The following DAB1 variants were observed in gnomAD, a reference collection of about 807,000 sequenced individuals.
DAB1 encodes the protein DAB adaptor protein 1, also known as disabled homolog 1.
DAB1 carries 15 observed loss-of-function variants against 64.6 expected under a neutral mutation model. The observed-to-expected ratio is 0.23, with a 90% CI of 0.16 to 0.36. The LOEUF (loss-of-function observed/expected upper bound fraction) is 0.36, where lower values mean the gene tolerates loss of function less well. Ranked by LOEUF, DAB1 falls within the 10% of genes least tolerant of loss-of-function variation. DAB1 has a pLI of 1.00. For missense variants in DAB1, 596 were observed against 706.7 expected, an observed-to-expected ratio of 0.84 and a Z score of 1.78; for synonymous variants, 235 against 251.9, an observed-to-expected ratio of 0.93 and a Z score of 0.64.
intron 9 of DAB1, among the ~76,000 whole-genome samples, chr1:57,040,446 T>A (rs1202626424): frequency 6.6e-6 from 1 of 152,142 alleles, no homozygotes; most frequent in African/African-American, 2.4e-5. Flanking sequence ...AATATATAAT[T>A]TACACACTCG....
At chr1:57,215,556 G>A (rs1427051126) in intron 2 of DAB1, among the ~76,000 whole-genome samples, 2 of 152,180 alleles carry the variant, frequency 1.3e-5, no homozygotes, top group Non-Finnish European at 2.9e-5. Context: ...CGTGAATTTT[G>A]TGTTCAAGCG....
chr1:58,184,657 A>G (rs1381770378), intron 4 of DAB1, among the ~76,000 whole-genome samples: 1 of 152,184 alleles, frequency 6.6e-6, no homozygotes, highest in African/African-American at 2.4e-5. Flanking sequence ...TGGAACATGA[A>G]TTCTAAGAAA....
At chr1:58,381,561 C>T (rs765933118) in intron 3 of DAB1, among the ~76,000 whole-genome samples, 1 of 152,154 alleles carries the variant, frequency 6.6e-6, no homozygotes, top group Non-Finnish European at 1.5e-5. Context: ...ACTACTGGAG[C>T]CTCAAGTACA....
chr1:57,934,325 T>G (rs1441942495), intron 5 of DAB1, among the ~76,000 whole-genome samples: 1 of 152,144 alleles, frequency 6.6e-6, no homozygotes, highest in Non-Finnish European at 1.5e-5. Flanking sequence ...GAAAATAATT[T>G]AAGTGGAACA....
At position 57,999,416 on chromosome 1, in the gene DAB1, T is replaced by C. The variant is rs1266778014; in HGVS notation, n.388-115254A>G. Among the ~76,000 whole-genome samples the C allele has an allele frequency of 2.6e-5, 4 of 152,292 alleles. No individual in the cohort carries two copies. The East Asian group carries it at 7.7e-4, about 29-fold the overall frequency. ...ATCTCCAGGGGTAGGATCAGCACTT[T>C]GTGTTTTAACAAGCACTACAGGAGA... On this transcript the variant is annotated intron_variant and non_coding_transcript_variant, in intron 5 of 20. Coordinates refer to the DAB1 transcript ENST00000485760.
intron 9 of DAB1, among the ~76,000 whole-genome samples, chr1:57,047,087 TTG>T (rs1292550052): frequency 1.3e-5 from 2 of 152,186 alleles, no homozygotes; most frequent in Non-Finnish European, 2.9e-5. Context: ...GGTCACCTGG[TTG>T]TAGGGTCAAA....
intron 3 of DAB1, 77 bp downstream of exon 3, chr1:57,145,213 C>T (rs1658993462): frequency 7.1e-7 from 1 of 1,411,990 alleles, no homozygotes; most frequent in Non-Finnish European, 9.9e-7. Flanking sequence ...AAGTTATTTA[C>T]AATTATGATG....
intron 7 of DAB1, among the ~76,000 whole-genome samples, chr1:57,458,494 G>T (rs1449987460): frequency 6.6e-6 from 1 of 151,352 alleles, no homozygotes; most frequent in Non-Finnish European, 1.5e-5. Context: ...AAAAAAAATC[G>T]TGAATGAGTA....
intron 3 of DAB1, among the ~76,000 whole-genome samples, chr1:58,482,689 G>A (rs1238406725): frequency 6.6e-6 from 1 of 152,144 alleles, no homozygotes; most frequent in Non-Finnish European, 1.5e-5. Flanking sequence ...TGGGGGTCAA[G>A]AGGGGGACAG....
intron 5 of DAB1, among the ~76,000 whole-genome samples, chr1:57,975,979 G>C: frequency 6.6e-6 from 1 of 152,216 alleles, no homozygotes; most frequent in Non-Finnish European, 1.5e-5. Context: ...CAACATCGGA[G>C]ACTTCTTTGC....
At chr1:57,305,838 G>A (rs781324083) in intron 1 of DAB1, among the ~76,000 whole-genome samples, 18 of 151,630 alleles carry the variant, frequency 1.2e-4, no homozygotes, top group East Asian at 7.8e-4. Flanking sequence ...GCGCGGTTAC[G>A]GGTGCCTGTA....
chr1:57,072,710 C>T (rs1651609536), intron 4 of DAB1, among the ~76,000 whole-genome samples: 1 of 152,200 alleles, frequency 6.6e-6, no homozygotes, highest in African/African-American at 2.4e-5. Flanking sequence ...AATGGGTAGG[C>T]TTCTGTTTGA....
At chr1:57,282,472 T>C (rs987025230) in intron 2 of DAB1, among the ~76,000 whole-genome samples, 1 of 152,116 alleles carries the variant, frequency 6.6e-6, no homozygotes, top group African/African-American at 2.4e-5. Context: ...AAAAGAGCTA[T>C]GTAGGTGAGT....
intron 6 of DAB1, among the ~76,000 whole-genome samples, chr1:57,816,802 A>G (rs1651874987): frequency 1.3e-5 from 2 of 152,186 alleles, no homozygotes; most frequent in South Asian, 4.1e-4. Context: ...AAAATTTGCA[A>G]TGTTGACACA....
chr1:58,451,352 C>G (rs1374531165), intron 3 of DAB1, among the ~76,000 whole-genome samples: 1 of 152,222 alleles, frequency 6.6e-6, no homozygotes, highest in Non-Finnish European at 1.5e-5. Context: ...CTTAGTCTCC[C>G]AAAGTGCTGG....
At chr1:57,655,814 ATATT>A (rs1347066482) in intron 6 of DAB1, among the ~76,000 whole-genome samples, 1 of 152,248 alleles carries the variant, frequency 6.6e-6, no homozygotes, top group Non-Finnish European at 1.5e-5. Context: ...TAAAATGCTC[ATATT>A]TGGGATCTAG....
At chr1:57,837,789 A>ACCCC (rs1557508864) in intron 1 of DAB1, among the ~76,000 whole-genome samples, 5 of 140,310 alleles carry the variant, frequency 3.6e-5, no homozygotes, top group East Asian at 2.1e-4. Context: ...CACCACCTTC[A>ACCCC]CCACCCCCAC....
At position 57,478,313 on chromosome 1, in the gene DAB1, G is replaced by A. The variant is rs568402854; in HGVS notation, n.625+171279C>T. On this transcript the variant is annotated intron_variant and non_coding_transcript_variant, in intron 7 of 20. Coordinates refer to the DAB1 transcript ENST00000485760. ...ATCTGAACTCTAACCTATGGGAAAT[G>A]ATCTTCCACAAATAGGAATGTAATG... Among the ~76,000 whole-genome samples the A allele has an allele frequency of 8.3e-4, 126 of 152,234 alleles. 2 individuals carry two copies. In the South Asian group the frequency reaches 0.015, roughly 18 times the overall value.
intron 6 of DAB1, among the ~76,000 whole-genome samples, chr1:57,764,463 T>C (rs1409984855): frequency 6.6e-6 from 1 of 152,146 alleles, no homozygotes; most frequent in Non-Finnish European, 1.5e-5. Context: ...CTCCAGCTAT[T>C]TGAAACTATA....
Sources: allele counts gnomAD v4.1 joint callset (sites outside exome capture counted in the v4.1 genomes callset), GRCh38; gene constraint gnomAD v4.1.1; transcripts MANE v1.5; gene names NCBI Gene and HGNC (gene_info 2026-07-23, HGNC 2026-07-21).